The following SORCS2 variants were observed in gnomAD, a reference collection of about 807,000 sequenced individuals.
The protein encoded by SORCS2 is VPS10 domain-containing receptor SorCS2.
SORCS2 carries 100 observed loss-of-function variants against 141.6 expected under a neutral mutation model. The ratio of observed to expected loss-of-function variants is 0.71; its 90% confidence interval spans 0.60 to 0.83. SORCS2 has a LOEUF of 0.83. SORCS2 is among the 40% of genes least tolerant of loss of function. SORCS2 has a pLI of 0.00. For synonymous variants in SORCS2, 789 were observed against 676.9 expected (o/e 1.17, Z -2.57); for missense variants, 1,646 against 1,560.2 (o/e 1.05, Z -0.93).
intron 1 of SORCS2, among the ~76,000 whole-genome samples, chr4:7,262,851 A>T (rs1045907615): frequency 6.6e-5 from 10 of 152,164 alleles, no homozygotes; most frequent in Non-Finnish European, 1.3e-4. Flanking sequence ...TGTCTGGTGA[A>T]GGTGGAGGGA....
chr4:7,535,268 T>G (rs1284216178), intron 3 of SORCS2, among the ~76,000 whole-genome samples: 2 of 152,158 alleles, frequency 1.3e-5, no homozygotes, highest in Non-Finnish European at 2.9e-5. Flanking sequence ...ACTTGTTGCT[T>G]CCAAAGCCCC....
At chr4:7,585,352 C>T (rs6837624) in intron 3 of SORCS2, among the ~76,000 whole-genome samples, 2,576 of 152,178 alleles carry the variant, frequency 0.017, 71 homozygotes, top group African/African-American at 0.059. Flanking sequence ...GTTTGGGCTG[C>T]GGTGTAGGAG....
intron 3 of SORCS2, among the ~76,000 whole-genome samples, chr4:7,634,550 T>C (rs1340587319): frequency 1.3e-5 from 2 of 152,204 alleles, no homozygotes; most frequent in African/African-American, 4.8e-5. Context: ...CTCATAGTGA[T>C]ATAAATAAAT....
chr4:7,686,443 G>T (rs369814496), intron 10 of SORCS2, among the ~76,000 whole-genome samples: 1 of 152,150 alleles, frequency 6.6e-6, no homozygotes, highest in African/African-American at 2.4e-5. Context: ...TGTGCCAAAC[G>T]GACAGAGAAG....
intron 1 of SORCS2, among the ~76,000 whole-genome samples, chr4:7,291,082 G>A (rs1245582896): frequency 6.6e-6 from 1 of 152,146 alleles, no homozygotes; most frequent in East Asian, 1.9e-4. Flanking sequence ...AGGGCATGGA[G>A]CAGGGGGGAC....
intron 2 of SORCS2, among the ~76,000 whole-genome samples, chr4:7,429,699 G>T (rs1351066797): frequency 6.6e-6 from 1 of 152,166 alleles, no homozygotes; most frequent in East Asian, 1.9e-4. Context: ...TAGGGATGAG[G>T]ACCCTGAACC....
chr4:7,244,204 T>G (rs1211817825), intron 1 of SORCS2, among the ~76,000 whole-genome samples: 1 of 152,208 alleles, frequency 6.6e-6, no homozygotes, highest in Non-Finnish European at 1.5e-5. Flanking sequence ...TTCTTGGAGC[T>G]GACAACTCCC....
At chr4:7,724,895 ATGGTGG>A (rs753498440) in intron 19 of SORCS2, among the ~76,000 whole-genome samples, 1 of 41,386 alleles carries the variant, frequency 2.4e-5, no homozygotes, top group African/African-American at 1.5e-4. Flanking sequence ...GGTGTTGGTG[ATGGTGG>A]TGATAGTATT....
intron 1 of SORCS2, among the ~76,000 whole-genome samples, chr4:7,214,953 G>A (rs1728238861): frequency 6.6e-6 from 1 of 151,872 alleles, no homozygotes; most frequent in Non-Finnish European, 1.5e-5. Context: ...AAAGTGAGAG[G>A]TGACAGCGTG....
At chr4:7,630,953 T>C (rs1218831837) in intron 3 of SORCS2, among the ~76,000 whole-genome samples, 1 of 152,056 alleles carries the variant, frequency 6.6e-6, no homozygotes, top group Non-Finnish European at 1.5e-5. Context: ...GGACAGAGAT[T>C]TGTGAATGGA....
chr4:7,689,730 G>A, intron 11 of SORCS2, 142 bp downstream of exon 11: 1 of 759,788 alleles, frequency 1.3e-6, no homozygotes, highest in East Asian at 3.1e-5. Context: ...TCTCCAGGAA[G>A]CTCAGCTCTC....
At chr4:7,724,166 G>GTGGTGATAGTGGTGGTGGTGATGGTGA (rs1560113092) in intron 19 of SORCS2, among the ~76,000 whole-genome samples, 30 of 147,474 alleles carry the variant, frequency 2.0e-4, no homozygotes, top group Non-Finnish European at 3.6e-4. Flanking sequence ...GGTGGTGATG[G>GTGGTGATAGTGGTGGTGGTGATGGTGA]TGGTGATGGT....
rs549916507 is a variant in SORCS2 at position 7,562,326 on chromosome 4, G to A, written c.648+30697G>A. Among the ~76,000 whole-genome samples the A allele has an allele frequency of 2.2e-5, 3 of 139,058 alleles. No individual in the cohort carries two copies. The East Asian group carries it at 6.0e-4, about 28-fold the overall frequency. 91.2% of individuals were successfully genotyped at this position (139,058 alleles called of 152,430 possible). ...CAGCTGCGTACACAAAGGCCCTGAG[G>A]CAAAAAAAAGGTGGATGGTCAGTGA... is the stretch of plus-strand genomic sequence containing the variant. On this transcript the variant is annotated intron_variant, in intron 3 of 26. Transcript: ENST00000507866.
rs550398925 is a variant in SORCS2, at chr4:7,532,704, G to A, written c.648+1075G>A. Among the ~76,000 whole-genome samples the A allele has an allele frequency of 3.9e-5, 6 of 152,174 alleles. No homozygotes were observed. In the East Asian group the frequency reaches 5.8e-4, roughly 15 times the overall value. On this transcript the variant is annotated intron_variant, in intron 3 of 26. Transcript: ENST00000507866. ...GCCTGGCAGCAGCAGTCTATGGAAC[G>A]AGGGGGCTGAGATGCGTGCAGCCTT... is the stretch of plus-strand genomic sequence containing the variant.
intron 21 of SORCS2, among the ~76,000 whole-genome samples, chr4:7,727,826 G>C (rs369395202): frequency 3.9e-5 from 6 of 152,294 alleles, no homozygotes; most frequent in African/African-American, 1.4e-4. Flanking sequence ...TTAGAATTGG[G>C]CTTTGAGCCA....
chr4:7,232,379 C>T (rs1711953505), intron 1 of SORCS2, among the ~76,000 whole-genome samples: 1 of 152,196 alleles, frequency 6.6e-6, no homozygotes, highest in Admixed American at 6.5e-5. Flanking sequence ...CTGCCAGACT[C>T]CTAGGACCCA....
intron 20 of SORCS2, among the ~76,000 whole-genome samples, chr4:7,726,331 G>T (rs753210213): frequency 3.9e-5 from 6 of 152,218 alleles, no homozygotes; most frequent in Non-Finnish European, 8.8e-5. Flanking sequence ...AGTTCGTGCT[G>T]TGTTGGCTTA....
intron 1 of SORCS2, among the ~76,000 whole-genome samples, chr4:7,343,348 C>T (rs1043076354): frequency 2.6e-5 from 4 of 152,348 alleles, no homozygotes; most frequent in South Asian, 2.1e-4. Flanking sequence ...CCTGACCACT[C>T]GCTCAGTGAG....
chr4:7,335,467 C>T (rs987173579), intron 1 of SORCS2, among the ~76,000 whole-genome samples: 7 of 152,226 alleles, frequency 4.6e-5, no homozygotes, highest in Admixed American at 4.6e-4. Context: ...TGAGCGCTGC[C>T]TTCCCAGGAC....
Sources: allele counts gnomAD v4.1 joint callset (sites outside exome capture counted in the v4.1 genomes callset), GRCh38; gene constraint gnomAD v4.1.1; transcripts MANE v1.5; gene names NCBI Gene and HGNC (gene_info 2026-07-23, HGNC 2026-07-21).